The following CFAP44 variants were observed in gnomAD, a reference collection of about 807,000 sequenced individuals.
CFAP44 encodes the protein cilia and flagella associated protein 44, also known as cilia- and flagella-associated protein 44.
Under a neutral mutation model 216.2 loss-of-function variants are expected in CFAP44, and 134 were observed. The observed-to-expected ratio is 0.62, with a 90% CI of 0.54 to 0.72. CFAP44 has a LOEUF of 0.72. CFAP44 is among the 30% of genes least tolerant of loss of function. The pLI is 0.00. For missense variants in CFAP44, 2,035 were observed against 2,182.1 expected, an observed-to-expected ratio of 0.93 and a Z score of 1.34; for synonymous variants, 700 against 727.6, an observed-to-expected ratio of 0.96 and a Z score of 0.61.
At chr3:113,362,797 G>T in intron 21 of CFAP44, 1 of 877,954 alleles carries the variant, frequency 1.1e-6, no homozygotes, top group Non-Finnish European at 1.4e-6. Flanking sequence ...GACGCTTCAG[G>T]CCAATTTTTG....
At chr3:113,363,000 C>A in intron 21 of CFAP44, 145 bp downstream of exon 21, 3 of 1,375,600 alleles carry the variant, frequency 2.2e-6, no homozygotes, top group Admixed American at 3.5e-5. Flanking sequence ...TTAAAAGATG[C>A]CCAAAATAAA....
chr3:113,376,081 A>T (rs1933334727), intron 17 of CFAP44, among the ~76,000 whole-genome samples: 1 of 152,218 alleles, frequency 6.6e-6, no homozygotes, highest in African/African-American at 2.4e-5. Flanking sequence ...TAAAAGACAA[A>T]TATAATCCTA....
chr3:113,296,851 G>A lies in CFAP44; in HGVS notation c.5112C>T (p.Ser1704=). The A allele has an allele frequency of 6.5e-7, 1 of 1,537,318 alleles. No individual in the cohort carries two copies. Among genetic ancestry groups the A allele is most frequent in the Non-Finnish European group, 8.7e-7 (1 of 1,146,926 alleles). ...CTAGATTTACCACACGGCCAAACTTGCTGATCATGAGCTGCCGGACTGTTT... is the reference window on the plus strand; with the variant it reads ...CTAGATTTACCACACGGCCAAACTTACTGATCATGAGCTGCCGGACTGTTT... ...MEETVRQLMI[S]KFGRVVNLEA... is the part of the protein sequence containing the mutation. Residue 1704 remains serine, a synonymous_variant, in exon 33 of 35, where the codon AGC becomes AGT. Transcript: ENST00000393845.
intron 28 of CFAP44, among the ~76,000 whole-genome samples, chr3:113,325,443 T>A (rs1314425175): frequency 6.6e-6 from 1 of 152,064 alleles, no homozygotes; most frequent in Non-Finnish European, 1.5e-5. Flanking sequence ...TTGTGCCTTT[T>A]TTATTTTTTA....
In CFAP44 at chr3:113,417,685, C is replaced by T. The variant is rs145836568; in HGVS notation, c.571-1058G>A. 2.2e-4 allele frequency among the ~76,000 whole-genome samples: 34 copies of T among 152,256 alleles called. No homozygotes were observed. In the East Asian group the frequency reaches 4.8e-3, roughly 22 times the overall value. On this transcript the variant is annotated intron_variant, in intron 5 of 34. Transcript: ENST00000393845. ...TTGTGAGCTTGGATACCATTATTAT[C>T]TCCATCTTATTGATGAGTAAACTGA...
In CFAP44 at chr3:113,330,325, C is replaced by G; in HGVS notation, c.3959G>C (p.Arg1320Pro). The G allele has an allele frequency of 6.5e-7, 1 of 1,537,278 alleles. No homozygotes were observed. Among genetic ancestry groups the G allele is most frequent in the Non-Finnish European group, 8.7e-7 (1 of 1,146,882 alleles). ...SSRKDGDLTT[R>P]DSISRSSKAS... ...CTTTGATGATCTAGATATTGAATCA[C>G]GGGTTGTCAAATCCCCATCCTTTCT... Residue 1320 changes from arginine (R) to proline (P), a missense_variant, in exon 26 of 35, where the codon CGT becomes CCT. Physicochemically the swap from Arg to Pro is moderately radical, Grantham distance 103 (BLOSUM62 -2). Transcript: ENST00000393845.
chr3:113,314,596 CATG>C (rs1300342897), intron 28 of CFAP44, among the ~76,000 whole-genome samples: 1 of 152,038 alleles, frequency 6.6e-6, no homozygotes, highest in Non-Finnish European at 1.5e-5. Flanking sequence ...AAAAGAAGAA[CATG>C]ATAAGCAAAA....
At chr3:113,427,692 C>G (rs751061145) in intron 2 of CFAP44, 14 of 181,280 alleles carry the variant, frequency 7.7e-5, no homozygotes, top group Non-Finnish European at 1.1e-5. Flanking sequence ...GACAAACAAG[C>G]CTTATTGTCT....
intron 2 of CFAP44, among the ~76,000 whole-genome samples, chr3:113,431,561 G>C (rs768454856): frequency 1.3e-5 from 2 of 152,098 alleles, no homozygotes; most frequent in Non-Finnish European, 2.9e-5. Context: ...TCTGAAGTAA[G>C]CGATATAATG....
intron 22 of CFAP44, among the ~76,000 whole-genome samples, chr3:113,354,404 C>T (rs1353636685): frequency 1.3e-5 from 2 of 152,190 alleles, no homozygotes; most frequent in African/African-American, 4.8e-5. Context: ...CAGTTCTCAG[C>T]CCTGCTCAGC....
chr3:113,342,315 A>G (rs543696887), intron 23 of CFAP44, among the ~76,000 whole-genome samples: 1 of 152,330 alleles, frequency 6.6e-6, no homozygotes, highest in East Asian at 1.9e-4. Context: ...CCTGGGGAAC[A>G]GAGTGAGACT....
Position 113,366,170 on chromosome 3 carries a change from T to G in CFAP44, c.2584A>C (p.Lys862Gln), listed in dbSNP as rs868078362. 1 of 1,614,128 alleles carries G rather than the reference T, an allele frequency of 6.2e-7. No homozygotes were observed. Among genetic ancestry groups the G allele is most frequent in the East Asian group, 2.2e-5 (1 of 44,862 alleles). The change falls in exon 19 of 35, where the codon AAA (lysine) becomes CAA (glutamine). Residue 862 changes from lysine (K) to glutamine (Q), a missense_variant. Physicochemically the swap from Lys to Gln is moderately conservative, Grantham distance 53. This residue lies in a region of CFAP44 where 1,883 missense variants were observed against 2,023.7 expected (regional missense o/e 0.93). Transcript: ENST00000393845. Reference protein sequence around the residue: ...NMHDNNYGCIKSIANSFDDRF... With the variant: ...NMHDNNYGCIQSIANSFDDRF... The stretch of plus-strand genomic sequence containing the variant: ...TCATCAAAGCTATTAGCAATACTTT[T>G]AATACATCCATAATTATTGTCATGC...
intron 7 of CFAP44, among the ~76,000 whole-genome samples, 199 bp downstream of exon 7, chr3:113,408,907 G>A (rs1576595223): frequency 7.1e-6 from 1 of 141,334 alleles, no homozygotes; most frequent in Non-Finnish European, 1.5e-5. Flanking sequence ...TATGCTGTTT[G>A]CAGAAATAAA....
chr3:113,435,565 A>T lies in CFAP44; in HGVS notation c.-5-1896T>A, dbSNP rs558042375. On this transcript the variant is annotated intron_variant, in intron 1 of 34. Transcript: ENST00000393845. The stretch of plus-strand genomic sequence containing the variant: ...GTGGGGACACAGCCAAACTGTCTCT[A>T]AAAAAAAATTTTAAATGGCCAGGCA... 5.3e-5 allele frequency among the ~76,000 whole-genome samples: 8 copies of T among 150,876 alleles called. No individual in the cohort carries two copies. The East Asian group carries it at 1.2e-3, about 22-fold the overall frequency.
At chr3:113,299,957 A>T (rs1949918308) in intron 32 of CFAP44, among the ~76,000 whole-genome samples, 1 of 152,194 alleles carries the variant, frequency 6.6e-6, no homozygotes. Context: ...CCTGAGCCTG[A>T]GAGGTCAAGG....
chr3:113,356,918 C>CACATATACACAT, intron 22 of CFAP44, among the ~76,000 whole-genome samples: 2 of 152,244 alleles, frequency 1.3e-5, no homozygotes, highest in East Asian at 3.9e-4. Context: ...CACATACACA[C>CACATATACACAT]ACATATACAC....
At chr3:113,318,764 G>T (rs1325593393) in intron 28 of CFAP44, among the ~76,000 whole-genome samples, 1 of 152,076 alleles carries the variant, frequency 6.6e-6, no homozygotes, top group Admixed American at 6.5e-5. Context: ...GAGACTGGGG[G>T]CCTATTTTCA....
intron 15 of CFAP44, among the ~76,000 whole-genome samples, chr3:113,385,568 C>T (rs1313739632): frequency 2.0e-5 from 3 of 151,980 alleles, no homozygotes; most frequent in Admixed American, 1.3e-4. Context: ...CTACAGCTGT[C>T]GGTGGACTGC....
chr3:113,428,656 T>C (rs1464772434), intron 2 of CFAP44, among the ~76,000 whole-genome samples: 1 of 152,182 alleles, frequency 6.6e-6, no homozygotes, highest in African/African-American at 2.4e-5. Flanking sequence ...TTTTTTTGTA[T>C]AACTAGAAGC....
Sources: allele counts gnomAD v4.1 joint callset (sites outside exome capture counted in the v4.1 genomes callset), GRCh38; gene constraint gnomAD v4.1.1; regional missense constraint gnomAD v4.1.1; transcripts MANE v1.5; gene names NCBI Gene and HGNC (gene_info 2026-07-23, HGNC 2026-07-21).